The following DNAJC12 variants were observed in gnomAD, a reference collection of about 807,000 sequenced individuals.
DNAJC12 encodes DnaJ heat shock protein family (Hsp40) member C12.
Under a neutral mutation model 28.5 loss-of-function variants are expected in DNAJC12, and 25 were observed. That is an observed-to-expected ratio of 0.88 (90% CI 0.64 to 1.22). The LOEUF (loss-of-function observed/expected upper bound fraction) is 1.22, where lower values mean the gene tolerates loss of function less well. Ranked by LOEUF, DNAJC12 falls within the 50% of genes most tolerant of loss-of-function variation. The probability of loss-of-function intolerance (pLI) is 0.00; values close to 1 mark genes in which losing one functional copy is unlikely to be tolerated. For synonymous variants in DNAJC12, 77 were observed against 80.6 expected, an observed-to-expected ratio of 0.95 and a Z score of 0.24; for missense variants, 222 against 231.7, an observed-to-expected ratio of 0.96 and a Z score of 0.27.
At chr10:67,800,133 G>A (rs1841726541) in intron 4 of DNAJC12, among the ~76,000 whole-genome samples, 1 of 145,374 alleles carries the variant, frequency 6.9e-6, no homozygotes. Flanking sequence ...GAGGTGGGAG[G>A]ATCATCTGAG....
intron 3 of DNAJC12, among the ~76,000 whole-genome samples, chr10:67,806,774 G>A (rs574614101): frequency 5.3e-5 from 8 of 149,644 alleles, no homozygotes; most frequent in African/African-American, 1.5e-4. Flanking sequence ...GCAGTGAGCC[G>A]AGATCGCACC....
At chr10:67,798,572 C>A (rs1037908080) in intron 4 of DNAJC12, among the ~76,000 whole-genome samples, 1 of 151,938 alleles carries the variant, frequency 6.6e-6, no homozygotes, top group African/African-American at 2.4e-5. Context: ...GTCCCAGCTA[C>A]TCAGGAGACT....
At chr10:67,808,285 A>G (rs1303888159) in intron 3 of DNAJC12, among the ~76,000 whole-genome samples, 2 of 152,352 alleles carry the variant, frequency 1.3e-5, no homozygotes, top group East Asian at 3.9e-4. Context: ...AATAAAATGC[A>G]CAAGACAGAA....
intron 4 of DNAJC12, among the ~76,000 whole-genome samples, chr10:67,798,538 C>T (rs1230793918): frequency 1.3e-5 from 2 of 151,772 alleles, no homozygotes; most frequent in African/African-American, 4.8e-5. Context: ...AAAAATTAGG[C>T]GGGCGTGGTG....
At chr10:67,818,951 G>T (rs1010569396) in intron 2 of DNAJC12, among the ~76,000 whole-genome samples, 14 of 152,062 alleles carry the variant, frequency 9.2e-5, no homozygotes, top group African/African-American at 3.4e-4. Context: ...CACCGAGCCC[G>T]ATCTAAATTT....
At chr10:67,798,814 G>A (rs1841707128) in intron 4 of DNAJC12, among the ~76,000 whole-genome samples, 1 of 147,482 alleles carries the variant, frequency 6.8e-6, no homozygotes, top group African/African-American at 2.5e-5. Flanking sequence ...TGCCCAGGCT[G>A]GAGTGCAATG....
At chr10:67,809,158 T>C (rs1336686960) in intron 3 of DNAJC12, among the ~76,000 whole-genome samples, 1 of 152,236 alleles carries the variant, frequency 6.6e-6, no homozygotes, top group Admixed American at 6.5e-5. Flanking sequence ...TTTTAACGGC[T>C]TATGAGAATT....
chr10:67,808,154 C>T (rs576040824), intron 3 of DNAJC12, among the ~76,000 whole-genome samples: 3 of 152,090 alleles, frequency 2.0e-5, no homozygotes, highest in Non-Finnish European at 4.4e-5. Context: ...TAACATCAAG[C>T]GAACTAGTCT....
At chr10:67,800,466 T>C (rs889115861) in intron 4 of DNAJC12, among the ~76,000 whole-genome samples, 7 of 152,202 alleles carry the variant, frequency 4.6e-5, no homozygotes, top group African/African-American at 1.7e-4. Flanking sequence ...CCACTCATTA[T>C]TGTCATCCAA....
chr10:67,827,185 G>A (rs1384998453), intron 1 of DNAJC12, among the ~76,000 whole-genome samples: 2 of 149,240 alleles, frequency 1.3e-5, no homozygotes, highest in Non-Finnish European at 3.0e-5. Flanking sequence ...TCAGGAGTTC[G>A]AGACCAGCCT....
At chr10:67,818,325 A>T (rs1457558332) in intron 2 of DNAJC12, among the ~76,000 whole-genome samples, 1 of 152,214 alleles carries the variant, frequency 6.6e-6, no homozygotes, top group Non-Finnish European at 1.5e-5. Context: ...TAAATAGATT[A>T]AAAAACAACC....
At chr10:67,824,381 A>G (rs1407401313) in intron 1 of DNAJC12, among the ~76,000 whole-genome samples, 1 of 152,122 alleles carries the variant, frequency 6.6e-6, no homozygotes, top group East Asian at 1.9e-4. Context: ...TATAATTTAT[A>G]AATTATCTAT....
chr10:67,826,564 AAT>A (rs1415605876), intron 1 of DNAJC12, among the ~76,000 whole-genome samples: 5 of 140,128 alleles, frequency 3.6e-5, no homozygotes, highest in Non-Finnish European at 6.1e-5. Context: ...GATATCTAAT[AAT>A]ATATATAATA....
At chr10:67,811,695 C>G (rs756021149) in intron 2 of DNAJC12, 32 bp from the exon 3 acceptor site, 4 of 1,600,752 alleles carry the variant, frequency 2.5e-6, no homozygotes, top group African/African-American at 1.3e-5. Context: ...GAGCACTTCT[C>G]TCTCGGAGAG....
intron 2 of DNAJC12, among the ~76,000 whole-genome samples, chr10:67,820,778 T>TC (rs1841973937): frequency 9.0e-5 from 1 of 11,160 alleles, no homozygotes; most frequent in Non-Finnish European, 3.0e-4. Context: ...TCTTTTTTCC[T>TC]TTTTTTTTTT....
In DNAJC12 at chr10:67,823,309, C is replaced by A. The variant is rs1036386534; in HGVS notation, c.157+5G>T. On this transcript the variant is annotated splice_donor_5th_base_variant and intron_variant, in intron 2 of 4. Coordinates refer to ENST00000225171, the MANE Select transcript of DNAJC12 (RefSeq NM_021800.3). ...CTTGAGAAGTAGCCTTTATTAAGTT[C>A]TTACCAGCTTTGGGGTTTTCAGGAT... 2.5e-6 allele frequency: 4 copies of A among 1,613,418 alleles called. No homozygotes were observed. The Admixed American group carries it at 5.0e-5, about 20-fold the overall frequency.
intron 2 of DNAJC12, chr10:67,816,054 G>C (rs973377389): frequency 2.5e-6 from 1 of 398,502 alleles, no homozygotes. Flanking sequence ...TCTGGGAAGA[G>C]AGATCTCATT....
chr10:67,810,378 T>C (rs986981686), intron 3 of DNAJC12, among the ~76,000 whole-genome samples: 1 of 152,166 alleles, frequency 6.6e-6, no homozygotes, highest in African/African-American at 2.4e-5. Context: ...AAGTTTTTAA[T>C]TTAAAAAAAT....
intron 2 of DNAJC12, among the ~76,000 whole-genome samples, chr10:67,821,949 G>A (rs1038214379): frequency 3.3e-5 from 5 of 152,172 alleles, no homozygotes; most frequent in Non-Finnish European, 5.9e-5. Flanking sequence ...AAAAATAAGC[G>A]AGATTTCAGA....
Sources: gnomAD v4.1 joint callset for allele counts (sites outside exome capture counted in the v4.1 genomes callset) on GRCh38, gnomAD v4.1.1 for gene constraint, MANE v1.5 for transcripts, NCBI Gene and HGNC (gene_info 2026-07-23, HGNC 2026-07-21) for gene names.